The following RGS6 variants were observed in gnomAD, a reference collection of about 807,000 sequenced individuals.
RGS6 encodes the protein regulator of G-protein signaling 6.
Under a neutral mutation model 78.5 loss-of-function variants are expected in RGS6, and 30 were observed. That is an observed-to-expected ratio of 0.38 (90% CI 0.29 to 0.52). The LOEUF is 0.52. Ranked by LOEUF, RGS6 falls within the 20% of genes least tolerant of loss-of-function variation. The probability of loss-of-function intolerance (pLI) is 0.85; values close to 1 mark genes in which losing one functional copy is unlikely to be tolerated. For synonymous variants in RGS6, 206 were observed against 206.0 expected, an observed-to-expected ratio of 1.00 and a Z score of 0.00; for missense variants, 495 against 609.7, an observed-to-expected ratio of 0.81 and a Z score of 1.98.
At chr14:71,897,736 G>A in the RGS6 span, among the ~76,000 whole-genome samples, 319 of 152,090 alleles carry the variant, frequency 2.1e-3, no homozygotes, top group African/African-American at 7.5e-3. Context: ...AGCCAAGATG[G>A]TCTCGATCTC....
chr14:72,217,378 C>T (rs963102376), intron 2 of RGS6, among the ~76,000 whole-genome samples: 2 of 152,170 alleles, frequency 1.3e-5, no homozygotes, highest in Non-Finnish European at 2.9e-5. Flanking sequence ...ATGATGTCAT[C>T]ACAGAGCTGG....
At chr14:72,423,086 A>T (rs1370165906) in intron 3 of RGS6, among the ~76,000 whole-genome samples, 1 of 152,220 alleles carries the variant, frequency 6.6e-6, no homozygotes, top group Non-Finnish European at 1.5e-5. Context: ...TGAGTCAGAG[A>T]GTTGAGTCAC....
intron 2 of RGS6, among the ~76,000 whole-genome samples, chr14:72,124,375 A>C (rs1490907689): frequency 6.6e-6 from 1 of 152,164 alleles, no homozygotes; most frequent in Non-Finnish European, 1.5e-5. Context: ...GTTTTTTCTT[A>C]ATAACGAACA....
intron 2 of RGS6, among the ~76,000 whole-genome samples, chr14:72,267,509 T>A (rs2059263414): frequency 6.6e-6 from 1 of 152,212 alleles, no homozygotes; most frequent in Non-Finnish European, 1.5e-5. Flanking sequence ...GACAAGTAAC[T>A]TTTTTGCTGT....
chr14:72,137,656 G>A (rs1161624916), intron 2 of RGS6, among the ~76,000 whole-genome samples: 5 of 152,220 alleles, frequency 3.3e-5, no homozygotes, highest in African/African-American at 1.2e-4. Flanking sequence ...AAAGATACAA[G>A]TGGACAGCCA....
chr14:72,151,207 C>G (rs1400514752), intron 2 of RGS6, among the ~76,000 whole-genome samples: 1 of 152,118 alleles, frequency 6.6e-6, no homozygotes, highest in East Asian at 1.9e-4. Flanking sequence ...AGGAGGAAAC[C>G]TGGGTCTTAG....
intron 2 of RGS6, among the ~76,000 whole-genome samples, chr14:72,287,456 T>A (rs1259855243): frequency 6.6e-6 from 1 of 152,130 alleles, no homozygotes; most frequent in Admixed American, 6.5e-5. Flanking sequence ...TGACCTTTTT[T>A]ATTTTTATTT....
At chr14:72,315,011 C>T (rs1054697917) in intron 2 of RGS6, among the ~76,000 whole-genome samples, 2 of 152,210 alleles carry the variant, frequency 1.3e-5, no homozygotes, top group East Asian at 1.9e-4. Flanking sequence ...ATCCTTCCCC[C>T]ACTCTGCTGC....
At chr14:72,076,231 G>A (rs1333271178) in intron 2 of RGS6, among the ~76,000 whole-genome samples, 1 of 152,230 alleles carries the variant, frequency 6.6e-6, no homozygotes, top group Non-Finnish European at 1.5e-5. Context: ...TGAAAGAGGA[G>A]AAAATATTCT....
At chr14:72,496,076 G>GA (rs1339743708) in intron 13 of RGS6, among the ~76,000 whole-genome samples, 4 of 152,104 alleles carry the variant, frequency 2.6e-5, no homozygotes, top group South Asian at 2.1e-4. Flanking sequence ...TCCTGAAATG[G>GA]AAAAAATCTT....
chr14:71,988,634 A>G (rs958544340), intron 2 of RGS6, among the ~76,000 whole-genome samples: 1 of 152,282 alleles, frequency 6.6e-6, no homozygotes, highest in East Asian at 1.9e-4. Context: ...GAAGCCTAAA[A>G]TATTTACTAA....
chr14:71,878,215 C>T, the RGS6 span, among the ~76,000 whole-genome samples: 1 of 152,212 alleles, frequency 6.6e-6, no homozygotes, highest in Admixed American at 6.5e-5. Flanking sequence ...AGCTGTCAGA[C>T]AGGGACGTTT....
intron 1 of RGS6, among the ~76,000 whole-genome samples, chr14:71,940,243 A>G (rs2090296971): frequency 1.3e-5 from 2 of 152,198 alleles, no homozygotes; most frequent in African/African-American, 4.8e-5. Flanking sequence ...TTACCCTGGT[A>G]AAAGACCAGA....
chr14:71,985,233 C>T (rs573502186), intron 2 of RGS6, among the ~76,000 whole-genome samples: 3 of 152,286 alleles, frequency 2.0e-5, no homozygotes, highest in African/African-American at 7.2e-5. Flanking sequence ...AAGTGATTCT[C>T]CTGCCTCAGC....
chr14:72,535,317 A>T (rs2097235456), intron 15 of RGS6, among the ~76,000 whole-genome samples: 2 of 152,030 alleles, frequency 1.3e-5, no homozygotes, highest in South Asian at 2.1e-4. Flanking sequence ...GTTGCCAAGA[A>T]CTCCTTCCAG....
At chr14:72,196,561 C>T (rs182676772) in intron 2 of RGS6, among the ~76,000 whole-genome samples, 2 of 152,278 alleles carry the variant, frequency 1.3e-5, no homozygotes, top group African/African-American at 2.4e-5. Context: ...CCGATTTTCT[C>T]CTTCCAGAGC....
chr14:72,186,222 T>C (rs1229725198), intron 2 of RGS6, among the ~76,000 whole-genome samples: 4 of 152,178 alleles, frequency 2.6e-5, no homozygotes, highest in African/African-American at 9.6e-5. Context: ...CTAAACTGAG[T>C]CCATGAATCC....
chr14:72,171,208 G>A (rs149664), intron 2 of RGS6, among the ~76,000 whole-genome samples: 53,173 of 151,894 alleles, frequency 0.35, 9,532 homozygotes, highest in East Asian at 0.46. Flanking sequence ...GTCTGTGCAT[G>A]CATGCGTACA....
At chr14:72,054,105 A>G (rs551937914) in intron 2 of RGS6, among the ~76,000 whole-genome samples, 1 of 152,210 alleles carries the variant, frequency 6.6e-6, no homozygotes, top group South Asian at 2.1e-4. Flanking sequence ...TTTCCAACCA[A>G]CATGAAGATG....
Sources: gnomAD v4.1 joint callset for allele counts (sites outside exome capture counted in the v4.1 genomes callset) on GRCh38, gnomAD v4.1.1 for gene constraint, MANE v1.5 for transcripts, NCBI Gene and HGNC (gene_info 2026-07-23, HGNC 2026-07-21) for gene names.